The following PUM1 variants were observed in gnomAD, a reference collection of about 807,000 sequenced individuals.
PUM1 encodes the protein pumilio homolog 1.
PUM1 carries 13 observed loss-of-function variants against 131.8 expected under a neutral mutation model. The observed-to-expected ratio is 0.10, with a 90% CI of 0.06 to 0.16. The LOEUF is 0.16. Among genes scored for constraint, PUM1 ranks in the 10% least tolerant of loss-of-function variants. The pLI, the probability that PUM1 is intolerant of heterozygous loss-of-function variation, is 1.00. For synonymous variants in PUM1, 509 were observed against 556.5 expected (o/e 0.91, Z 1.20); for missense variants, 961 against 1,512.4 (o/e 0.64, Z 6.05).
intron 2 of PUM1, among the ~76,000 whole-genome samples, chr1:31,039,212 C>CA (rs34454596): frequency 4.1e-4 from 57 of 137,726 alleles, no homozygotes; most frequent in African/African-American, 4.9e-4. Flanking sequence ...CCCACGCTAA[C>CA]AAAAAAAAAA....
chr1:30,986,144 G>A (rs935643821), intron 7 of PUM1, among the ~76,000 whole-genome samples: 17 of 152,170 alleles, frequency 1.1e-4, no homozygotes, highest in African/African-American at 2.6e-4. Flanking sequence ...TACTAGAGAC[G>A]GGGTTTCACC....
chr1:31,046,031 G>A (rs1047919443), intron 2 of PUM1, among the ~76,000 whole-genome samples: 1 of 151,928 alleles, frequency 6.6e-6, no homozygotes, highest in Non-Finnish European at 1.5e-5. Flanking sequence ...GCAGTGAGCC[G>A]AGATCGTGCC....
At chr1:31,048,276 G>T (rs925940386) in intron 2 of PUM1, among the ~76,000 whole-genome samples, 1 of 151,000 alleles carries the variant, frequency 6.6e-6, no homozygotes. Context: ...ATAAAAAAAA[G>T]AAATAAAAAA....
intron 2 of PUM1, among the ~76,000 whole-genome samples, chr1:31,048,707 C>T (rs1644032020): frequency 6.6e-6 from 1 of 151,898 alleles, no homozygotes; most frequent in Non-Finnish European, 1.5e-5. Context: ...ATCTCCTGAC[C>T]TCATGATCCG....
intron 3 of PUM1, among the ~76,000 whole-genome samples, chr1:31,017,436 C>T (rs777845963): frequency 4.6e-5 from 7 of 152,140 alleles, no homozygotes; most frequent in Non-Finnish European, 1.0e-4. Context: ...GTCCAACCCG[C>T]AGCCCAGAAC....
intron 10 of PUM1, 123 bp downstream of exon 10, chr1:30,974,526 CAT>C (rs753418721): frequency 3.4e-4 from 317 of 935,534 alleles, no homozygotes; most frequent in Non-Finnish European, 4.4e-4. Flanking sequence ...CTCAGACACA[CAT>C]ATATACACAC....
Position 30,968,371 on chromosome 1 carries a change from A to G in PUM1, c.1628T>C (p.Leu543Pro). The G allele has an allele frequency of 6.3e-7, 1 of 1,586,702 alleles. No individual in the cohort carries two copies. The highest frequency in any genetic ancestry group is 8.6e-7 in the Non-Finnish European group (1 of 1,164,646). Reference sequence around the variant, plus strand: ...AGCCGCACCTGGCATGCCTGCTGCCAGACCTTGTCCAAATGCAAGGGCAGA... The same window carrying G: ...AGCCGCACCTGGCATGCCTGCTGCCGGACCTTGTCCAAATGCAAGGGCAGA... ...VNSALAFGQG[L>P]AAGMPGYPVL... Residue 543 changes from leucine to proline, a missense_variant, in exon 11 of 22, where the codon CTG becomes CCG. Transcript: ENST00000426105.
At chr1:31,028,106 C>T (rs1643289845) in intron 3 of PUM1, among the ~76,000 whole-genome samples, 2 of 152,188 alleles carry the variant, frequency 1.3e-5, no homozygotes, top group Admixed American at 1.3e-4. Flanking sequence ...CAGTTGGCTA[C>T]ATGTTAGATA....
chr1:30,960,195 CAA>C (rs1640347849), intron 14 of PUM1, among the ~76,000 whole-genome samples: 1 of 152,150 alleles, frequency 6.6e-6, no homozygotes, highest in Non-Finnish European at 1.5e-5. Flanking sequence ...TTTCAGATTT[CAA>C]AGTCTTTCAG....
intron 3 of PUM1, among the ~76,000 whole-genome samples, chr1:31,027,436 A>T (rs1168025379): frequency 6.6e-6 from 1 of 152,204 alleles, no homozygotes; most frequent in Non-Finnish European, 1.5e-5. Flanking sequence ...TCTGCTCCAA[A>T]AACTTAGTGA....
At chr1:31,046,363 G>T (rs780728523) in intron 2 of PUM1, among the ~76,000 whole-genome samples, 1 of 152,130 alleles carries the variant, frequency 6.6e-6, no homozygotes, top group Admixed American at 6.5e-5. Flanking sequence ...TCCAACCTGG[G>T]CAACAAGAGT....
At chr1:31,053,637 C>T (rs1201243052) in intron 2 of PUM1, among the ~76,000 whole-genome samples, 1 of 151,708 alleles carries the variant, frequency 6.6e-6, no homozygotes, top group Non-Finnish European at 1.5e-5. Flanking sequence ...CCATGCCTGG[C>T]TAATTTCTGT....
At chr1:30,961,158 A>AT (rs1296852183) in intron 14 of PUM1, among the ~76,000 whole-genome samples, 1 of 151,916 alleles carries the variant, frequency 6.6e-6, no homozygotes, top group Non-Finnish European at 1.5e-5. Flanking sequence ...ACGCCACTGC[A>AT]TTCCAACCAG....
At chr1:30,990,815 A>T (rs979281787) in intron 7 of PUM1, among the ~76,000 whole-genome samples, 4 of 152,222 alleles carry the variant, frequency 2.6e-5, no homozygotes, top group Admixed American at 2.6e-4. Flanking sequence ...GAATCCAACA[A>T]GAGATTAACT....
Position 30,987,257 on chromosome 1 carries a change from C to A in PUM1, c.1158+5133G>T, listed in dbSNP as rs562310663. Among the ~76,000 whole-genome samples the A allele has an allele frequency of 6.7e-5, 10 of 149,398 alleles. No homozygotes were observed. In the Admixed American group the frequency reaches 6.7e-4, roughly 10 times the overall value. ...TGTCGCCCAGGCTGGAGTGCAGTGG[C>A]GTGATCTCAGCTCACTGCAACCTCC... On this transcript the variant is annotated intron_variant, in intron 7 of 21. Transcript: ENST00000426105.
At chr1:30,979,380 G>A (rs1486914588) in intron 9 of PUM1, among the ~76,000 whole-genome samples, 1 of 152,156 alleles carries the variant, frequency 6.6e-6, no homozygotes, top group Non-Finnish European at 1.5e-5. Flanking sequence ...AGGGAATTGG[G>A]TGGTACATAT....
At chr1:31,044,354 A>T (rs112378645) in intron 2 of PUM1, among the ~76,000 whole-genome samples, 42,939 of 152,058 alleles carry the variant, frequency 0.28, 6,549 homozygotes, top group Non-Finnish European at 0.34. Flanking sequence ...GTGAGCTGAG[A>T]TCGTGCCACT....
chr1:31,056,048 C>T (rs1050926960), intron 2 of PUM1, among the ~76,000 whole-genome samples: 1 of 152,130 alleles, frequency 6.6e-6, no homozygotes, highest in Non-Finnish European at 1.5e-5. Context: ...CCACCCAAAT[C>T]AAATACCTCC....
intron 5 of PUM1, among the ~76,000 whole-genome samples, chr1:31,003,989 AT>A (rs1642309410): frequency 6.6e-6 from 1 of 152,146 alleles, no homozygotes; most frequent in Non-Finnish European, 1.5e-5. Context: ...ATACTTCAGA[AT>A]TTTCATTTAT....
Sources: gnomAD v4.1 joint callset for allele counts (sites outside exome capture counted in the v4.1 genomes callset) on GRCh38, gnomAD v4.1.1 for gene constraint, MANE v1.5 for transcripts, NCBI Gene and HGNC (gene_info 2026-07-23, HGNC 2026-07-21) for gene names.